The following ANO4 variants were observed in gnomAD, a reference collection of about 807,000 sequenced individuals.
The protein encoded by ANO4 is anoctamin 4.
ANO4 carries 69 observed loss-of-function variants against 141.9 expected under a neutral mutation model. That is an observed-to-expected ratio of 0.49 (90% CI 0.40 to 0.59). The LOEUF (loss-of-function observed/expected upper bound fraction) is 0.59, where lower values mean the gene tolerates loss of function less well. Among genes scored for constraint, ANO4 ranks in the 20% least tolerant of loss-of-function variants. The pLI, the probability that ANO4 is intolerant of heterozygous loss-of-function variation, is 0.00. For missense variants in ANO4, 894 were observed against 1,162.2 expected, an observed-to-expected ratio of 0.77 and a Z score of 3.36; for synonymous variants, 350 against 394.3, an observed-to-expected ratio of 0.89 and a Z score of 1.33.
rs146812756 is a variant in ANO4 at position 100,739,256 on chromosome 12, C to T, written c.107-598C>T. ...AATATTCCCCAGGTTTGTCCAAATTCATGTTACCTTCCCCATGTCTCAGAC... is the reference window on the plus strand; with the variant it reads ...AATATTCCCCAGGTTTGTCCAAATTTATGTTACCTTCCCCATGTCTCAGAC... On this transcript the variant is annotated intron_variant, in intron 2 of 29. Coordinates refer to the ANO4 transcript ENST00000644049. Among the ~76,000 whole-genome samples the T allele has an allele frequency of 4.5e-3, 689 of 151,948 alleles. 8 individuals carry two copies. Among genetic ancestry groups the T allele is most frequent in the African/African-American group, 0.016 (661 of 41,456 alleles).
chr12:100,936,820 AAT>A (rs1398242990), intron 3 of ANO4, among the ~76,000 whole-genome samples: 1 of 152,176 alleles, frequency 6.6e-6, no homozygotes, highest in Non-Finnish European at 1.5e-5. Flanking sequence ...TCACCCTGCT[AAT>A]ATGCACATTG....
At chr12:100,752,328 A>G (rs2032418587) in intron 3 of ANO4, among the ~76,000 whole-genome samples, 1 of 152,022 alleles carries the variant, frequency 6.6e-6, no homozygotes, top group South Asian at 2.1e-4. Context: ...GTGACCTACT[A>G]CTACTACTAC....
intron 8 of ANO4, among the ~76,000 whole-genome samples, chr12:100,991,996 T>TCC (rs2045140184): frequency 6.6e-6 from 1 of 152,198 alleles, no homozygotes; most frequent in Non-Finnish European, 1.5e-5. Context: ...GTCTGGAAGC[T>TCC]ATTCTAGACA....
At position 100,739,894 on chromosome 12, in the gene ANO4, C is replaced by A. The variant is rs1172926575; in HGVS notation, c.147C>A (p.His49Gln). 1.0e-5 allele frequency: 7 copies of A among 702,596 alleles called. No homozygotes were observed. In the South Asian group the frequency reaches 1.0e-4, roughly 10 times the overall value. The allele number at this position is 702,596 out of a possible 1,614,324, so 43.5% of individuals were successfully genotyped here. A position where few individuals can be genotyped will look rare whatever the true frequency, so the allele number is the denominator to read the frequency against. The change falls in exon 3 of 30, where the codon CAC becomes CAA. Residue 49 changes from histidine to glutamine, a missense_variant. Coordinates refer to the ANO4 transcript ENST00000644049. The stretch of plus-strand genomic sequence containing the variant: ...GGCCTGTGGCAATTGGGCTTACCCA[C>A]TGGAAAAATCCATACGTACAAGGCA...
chr12:100,854,674 A>C (rs935033407), intron 1 of ANO4, among the ~76,000 whole-genome samples: 1 of 152,156 alleles, frequency 6.6e-6, no homozygotes. Flanking sequence ...ACAGAGTTAT[A>C]AACTAGTCCT....
chr12:100,939,771 A>G (rs965187067), intron 4 of ANO4, among the ~76,000 whole-genome samples: 1 of 152,152 alleles, frequency 6.6e-6, no homozygotes, highest in Non-Finnish European at 1.5e-5. Context: ...GCTTCCTTGT[A>G]TAGATCCCCC....
At chr12:100,792,921 C>T (rs184688031), upstream of ANO4, among the ~76,000 whole-genome samples, 102 of 152,270 alleles carry the variant, frequency 6.7e-4, no homozygotes, top group African/African-American at 2.4e-3. Flanking sequence ...TATATTAATT[C>T]GATTTCAGAA....
chr12:100,794,107 T>C (rs2034160526), upstream of ANO4, among the ~76,000 whole-genome samples: 6 of 152,214 alleles, frequency 3.9e-5, no homozygotes, highest in South Asian at 1.2e-3. Flanking sequence ...CTAATGAAGA[T>C]TGACAGTCAA....
At chr12:100,906,283 A>G (rs957806668) in intron 2 of ANO4, among the ~76,000 whole-genome samples, 8 of 152,094 alleles carry the variant, frequency 5.3e-5, no homozygotes, top group Non-Finnish European at 1.2e-4. Context: ...AAGAGGGTAC[A>G]AGACATCAAG....
Position 101,116,790 on chromosome 12 carries a change from G to A in ANO4, c.2562G>A (p.Lys854=), listed in dbSNP as rs779259991. Residue 854 remains lysine (K), a synonymous_variant, in exon 25 of 28, where the codon AAG becomes AAA. Transcript: ENST00000392977. ...GTGAGTTCTCGGGGACTCCTCTTAA[G>A]TACTGCAGGTGAGTGTGGCACCCAG... ...DGSEFSGTPL[K]YCRYRDYRDP... is the part of the protein sequence containing the mutation. 4 of 1,614,148 alleles carry A rather than the reference G, an allele frequency of 2.5e-6. No individual in the cohort carries two copies. Among genetic ancestry groups the A allele is most frequent in the South Asian group, 2.2e-5 (2 of 91,086 alleles).
intron 1 of ANO4, among the ~76,000 whole-genome samples, chr12:100,848,103 T>C (rs908388967): frequency 1.6e-4 from 25 of 152,256 alleles, no homozygotes; most frequent in African/African-American, 6.0e-4. Context: ...TTTTTGTACC[T>C]ATGTCAACTG....
upstream of ANO4, among the ~76,000 whole-genome samples, chr12:100,794,385 T>C (rs1421493542): frequency 6.6e-6 from 1 of 152,152 alleles, no homozygotes; most frequent in East Asian, 1.9e-4. Context: ...GCATGGCTAG[T>C]GTAACTATGG....
At chr12:100,910,916 T>G (rs2041072770) in intron 2 of ANO4, among the ~76,000 whole-genome samples, 1 of 152,112 alleles carries the variant, frequency 6.6e-6, no homozygotes, top group Non-Finnish European at 1.5e-5. Context: ...CTATGGCCCT[T>G]TCCACATTTA....
chr12:100,987,404 A>T, intron 7 of ANO4, 135 bp from the exon 8 acceptor site: 1 of 1,101,754 alleles, frequency 9.1e-7, no homozygotes, highest in East Asian at 2.4e-5. Flanking sequence ...TCTATAAAAC[A>T]AGGATATCCT....
chr12:100,920,250 A>AT (rs2041569542), intron 2 of ANO4, among the ~76,000 whole-genome samples: 1 of 152,186 alleles, frequency 6.6e-6, no homozygotes, highest in East Asian at 1.9e-4. Flanking sequence ...GATATGGGTG[A>AT]TTTTAAAGAC....
At position 100,922,221 on chromosome 12, in the gene ANO4, T is replaced by C. The variant is rs746330076; in HGVS notation, c.56-5T>C. 34 of 1,526,590 alleles carry C rather than the reference T, an allele frequency of 2.2e-5. No homozygotes were observed. In the South Asian group the frequency reaches 4.0e-4, roughly 18 times the overall value. The allele number at this position is 1,526,590 out of a possible 1,614,324, so 94.6% of individuals were successfully genotyped here. A position where few individuals can be genotyped will look rare whatever the true frequency, so the allele number is the denominator to read the frequency against. On this transcript the variant is annotated splice_polypyrimidine_tract_variant and splice_region_variant and intron_variant, in intron 2 of 27. Transcript: ENST00000392977. Reference sequence around the variant, plus strand: ...AAACTCCATGAATATCTTTCATTTCTCTAGAAGGAGGTGTGGATTTGCAAG... The same window carrying C: ...AAACTCCATGAATATCTTTCATTTCCCTAGAAGGAGGTGTGGATTTGCAAG...
chr12:100,959,918 G>A (rs956240819), intron 5 of ANO4, among the ~76,000 whole-genome samples: 1 of 152,168 alleles, frequency 6.6e-6, no homozygotes, highest in Non-Finnish European at 1.5e-5. Context: ...CATCTCAGAG[G>A]CTTTAGGCAG....
chr12:100,778,731 T>C (rs1394615099), intron 3 of ANO4, among the ~76,000 whole-genome samples: 1 of 152,238 alleles, frequency 6.6e-6, no homozygotes, highest in East Asian at 1.9e-4. Context: ...TCAGCACAGC[T>C]ATGTATCCTA....
rs1237706968 is a variant in ANO4 at position 101,037,126 on chromosome 12, T to C, written c.873T>C (p.Tyr291=). 1 of 1,614,076 alleles carries C rather than the reference T, an allele frequency of 6.2e-7. No homozygotes were observed. Among genetic ancestry groups the C allele is most frequent in the Non-Finnish European group, 8.5e-7 (1 of 1,179,928 alleles). ...ATCGTTTGCTTACCAATGGCTCCTA[T>C]GAAGCTGCGTTTCCCCTGCATGAGG... is the stretch of plus-strand genomic sequence containing the variant. The part of the protein sequence containing the change: ...GLNRLLTNGS[Y]EAAFPLHEGS... Residue 291 remains tyrosine, a synonymous_variant, in exon 10 of 28, where the codon TAT becomes TAC. Transcript: ENST00000392977.
Sources: gnomAD v4.1 joint callset for allele counts (sites outside exome capture counted in the v4.1 genomes callset) on GRCh38, gnomAD v4.1.1 for gene constraint, MANE v1.5 for transcripts, NCBI Gene and HGNC (gene_info 2026-07-23, HGNC 2026-07-21) for gene names.